PARD3: variants seen among roughly 807,000 people sequenced by gnomAD.
The protein encoded by PARD3 is partitioning defective 3 homolog.
Under a neutral mutation model 155.4 loss-of-function variants are expected in PARD3, and 75 were observed. The observed-to-expected ratio is 0.48, with a 90% CI of 0.40 to 0.58. The LOEUF (loss-of-function observed/expected upper bound fraction) is 0.58, where lower values mean the gene tolerates loss of function less well. Among genes scored for constraint, PARD3 ranks in the 20% least tolerant of loss-of-function variants. The pLI is 0.00. For synonymous variants in PARD3, 576 were observed against 610.5 expected, an observed-to-expected ratio of 0.94 and a Z score of 0.83; for missense variants, 1,642 against 1,721.7, an observed-to-expected ratio of 0.95 and a Z score of 0.82.
rs540869972 is a variant in PARD3 at position 34,153,695 on chromosome 10, A to G, written c.3420-22112T>C. On this transcript the variant is annotated intron_variant, in intron 22 of 24. Coordinates refer to ENST00000374788, the MANE Select transcript of PARD3 (RefSeq NM_001184785.2). ...GAATTAAATATTCATCAAAGTCCAGAGAATTTTAAGCATCTATTCCATTAT... is the reference window on the plus strand; with the variant it reads ...GAATTAAATATTCATCAAAGTCCAGGGAATTTTAAGCATCTATTCCATTAT... 5.9e-5 allele frequency among the ~76,000 whole-genome samples: 9 copies of G among 152,368 alleles called. No individual in the cohort carries two copies. The South Asian group carries it at 1.4e-3, about 25-fold the overall frequency.
chr10:34,349,603 A>AAAAAAAAAAAT (rs1837813272), intron 14 of PARD3, among the ~76,000 whole-genome samples: 1 of 149,004 alleles, frequency 6.7e-6, no homozygotes, highest in African/African-American at 2.5e-5. Context: ...AAAAAAAAAA[A>AAAAAAAAAAAT]AAAAAAGCTA....
intron 2 of PARD3, among the ~76,000 whole-genome samples, chr10:34,642,016 C>T (rs934276984): frequency 6.6e-6 from 1 of 152,088 alleles, no homozygotes; most frequent in East Asian, 1.9e-4. Flanking sequence ...AGGGGTAGCA[C>T]TGGGACACTG....
chr10:34,369,231 G>C (rs1246296749), intron 12 of PARD3, among the ~76,000 whole-genome samples: 1 of 152,118 alleles, frequency 6.6e-6, no homozygotes, highest in Non-Finnish European at 1.5e-5. Flanking sequence ...TGTGGTCCAG[G>C]ATGGCTTTGA....
chr10:34,115,781 C>T (rs1281813478), intron 24 of PARD3, among the ~76,000 whole-genome samples: 13 of 150,620 alleles, frequency 8.6e-5, no homozygotes, highest in African/African-American at 2.7e-4. Flanking sequence ...GGCGCGATCT[C>T]GGCTCACTGC....
chr10:34,667,752 A>G (rs958163438), intron 2 of PARD3, among the ~76,000 whole-genome samples: 16 of 152,360 alleles, frequency 1.1e-4, no homozygotes, highest in Non-Finnish European at 2.2e-4. Flanking sequence ...TGGCAAATTA[A>G]GCAGAATATA....
chr10:34,297,609 A>G (rs892475341), intron 20 of PARD3, among the ~76,000 whole-genome samples: 1 of 152,120 alleles, frequency 6.6e-6, no homozygotes, highest in African/African-American at 2.4e-5. Flanking sequence ...CAGTGGTAGC[A>G]TTTTCCATCA....
chr10:34,595,297 A>G (rs2089145303), intron 2 of PARD3, among the ~76,000 whole-genome samples: 1 of 152,198 alleles, frequency 6.6e-6, no homozygotes, highest in Admixed American at 6.5e-5. Flanking sequence ...ATGAACTGAA[A>G]CTACAATAGA....
Position 34,334,493 on chromosome 10 carries a change from G to A in PARD3, c.2605+1706C>T, listed in dbSNP as rs527709930. Reference sequence around the variant, plus strand: ...CACTATGATTCTCCCAAAAACCTTTGGACTAATCTATAAAATCATAATCTT... The same window carrying A: ...CACTATGATTCTCCCAAAAACCTTTAGACTAATCTATAAAATCATAATCTT... On this transcript the variant is annotated intron_variant, in intron 18 of 24. Transcript: ENST00000374788. 6.6e-5 allele frequency among the ~76,000 whole-genome samples: 10 copies of A among 151,676 alleles called. 1 individual carries two copies. Among genetic ancestry groups the A allele is most frequent in the Admixed American group, 2.6e-4 (4 of 15,214 alleles).
At chr10:34,299,775 A>G (rs1957067226) in intron 20 of PARD3, among the ~76,000 whole-genome samples, 1 of 152,230 alleles carries the variant, frequency 6.6e-6, no homozygotes, top group Admixed American at 6.5e-5. Context: ...ATTAAGAAAG[A>G]TAAAATCTTA....
intron 2 of PARD3, among the ~76,000 whole-genome samples, chr10:34,587,633 T>C (rs563330316): frequency 1.3e-5 from 2 of 152,112 alleles, no homozygotes; most frequent in African/African-American, 2.4e-5. Context: ...CACTGTGGTG[T>C]TGGTGGTGAT....
intron 20 of PARD3, among the ~76,000 whole-genome samples, chr10:34,292,996 C>T (rs774303322): frequency 2.0e-5 from 3 of 151,956 alleles, no homozygotes; most frequent in Non-Finnish European, 4.4e-5. Flanking sequence ...CAAAGGGAAC[C>T]GAGCACAAAA....
intron 2 of PARD3, among the ~76,000 whole-genome samples, chr10:34,657,269 G>C (rs2133110692): frequency 6.6e-6 from 1 of 152,064 alleles, no homozygotes; most frequent in Middle Eastern, 3.4e-3. Flanking sequence ...TCGAGAACAT[G>C]CACACTTTCA....
intron 5 of PARD3, among the ~76,000 whole-genome samples, chr10:34,418,841 GCTCACTGCAGC>G (rs551291013): frequency 2.1e-3 from 315 of 152,248 alleles, no homozygotes; most frequent in African/African-American, 6.9e-3. Flanking sequence ...CATAATCACA[GCTCACTGCAGC>G]CTCCACCTCT....
chr10:34,557,481 G>GT (rs911172260), intron 2 of PARD3, among the ~76,000 whole-genome samples: 2 of 152,004 alleles, frequency 1.3e-5, no homozygotes, highest in East Asian at 1.9e-4. Flanking sequence ...CTACTGTTTC[G>GT]TTTTTTTGTT....
intron 22 of PARD3, among the ~76,000 whole-genome samples, chr10:34,180,603 T>C (rs1409956764): frequency 2.0e-5 from 3 of 152,182 alleles, no homozygotes; most frequent in East Asian, 1.9e-4. Flanking sequence ...CATACTGTAG[T>C]AGAAACATAC....
chr10:34,127,280 A>T (rs1023766049), intron 23 of PARD3, among the ~76,000 whole-genome samples: 3 of 152,134 alleles, frequency 2.0e-5, no homozygotes, highest in Non-Finnish European at 4.4e-5. Flanking sequence ...CCAGAAATAA[A>T]CTCATCAATC....
Position 34,146,653 on chromosome 10 carries a change from T to G in PARD3, c.3420-15070A>C, listed in dbSNP as rs542117066. Among the ~76,000 whole-genome samples the G allele has an allele frequency of 2.6e-5, 4 of 152,364 alleles. No individual in the cohort carries two copies. In the South Asian group the frequency reaches 8.3e-4, roughly 32 times the overall value. ...CTTCTGCTGGTCAATATGGTGACTGTGACATACAATTTTTAATCCTCTGTT... is the reference window on the plus strand; with the variant it reads ...CTTCTGCTGGTCAATATGGTGACTGGGACATACAATTTTTAATCCTCTGTT... On this transcript the variant is annotated intron_variant, in intron 22 of 24. Coordinates refer to ENST00000374788, the MANE Select transcript of PARD3 (RefSeq NM_001184785.2).
At chr10:34,771,251 A>G (rs565310832) in intron 1 of PARD3, among the ~76,000 whole-genome samples, 1 of 152,354 alleles carries the variant, frequency 6.6e-6, no homozygotes, top group African/African-American at 2.4e-5. Flanking sequence ...CAATGGTTAC[A>G]TCAGGAAGAA....
intron 15 of PARD3, chr10:34,344,680 A>G (rs1589246901): frequency 3.0e-6 from 3 of 985,386 alleles, no homozygotes; most frequent in Non-Finnish European, 3.6e-6. Flanking sequence ...CAGCCCCACT[A>G]CAGGTTACTT....
Sources: gnomAD v4.1 joint callset for allele counts (sites outside exome capture counted in the v4.1 genomes callset) on GRCh38, gnomAD v4.1.1 for gene constraint, MANE v1.5 for transcripts, NCBI Gene and HGNC (gene_info 2026-07-23, HGNC 2026-07-21) for gene names.